Variants in TECRL observed in about 807,000 individuals in gnomAD.
The protein encoded by TECRL is trans-2,3-enoyl-CoA reductase like, also known as trans-2,3-enoyl-CoA reductase-like.
TECRL carries 63 observed loss-of-function variants against 52.8 expected under a neutral mutation model. The ratio of observed to expected loss-of-function variants is 1.19; its 90% CI spans 0.97 to 1.47. The LOEUF is 1.47. Among genes scored for constraint, TECRL ranks in the 40% most tolerant of loss-of-function variants. The pLI, the probability that TECRL is intolerant of heterozygous loss-of-function variation, is 0.00. For missense variants in TECRL, 482 were observed against 429.6 expected, an observed-to-expected ratio of 1.12 and a Z score of -1.08; for synonymous variants, 164 against 141.9, an observed-to-expected ratio of 1.16 and a Z score of -1.10.
intron 2 of TECRL, among the ~76,000 whole-genome samples, chr4:64,373,969 A>G (rs1300052721): frequency 1.4e-5 from 2 of 141,314 alleles, no homozygotes; most frequent in Non-Finnish European, 1.5e-5. Context: ...ATATGTATAC[A>G]GTATATAGTA....
chr4:64,378,099 G>T (rs980210790), intron 1 of TECRL, among the ~76,000 whole-genome samples: 1 of 152,080 alleles, frequency 6.6e-6, no homozygotes, highest in Non-Finnish European at 1.5e-5. Flanking sequence ...ATTAGATATA[G>T]TGGTGTGAAA....
At chr4:64,339,284 G>C (rs1577898530) in intron 2 of TECRL, among the ~76,000 whole-genome samples, 1 of 115,602 alleles carries the variant, frequency 8.7e-6, no homozygotes, top group African/African-American at 3.3e-5. Flanking sequence ...GGCCTGTTGT[G>C]GGGTGGGGGG....
At chr4:64,405,656 G>A (rs1350793289) in intron 1 of TECRL, among the ~76,000 whole-genome samples, 2 of 152,094 alleles carry the variant, frequency 1.3e-5, no homozygotes, top group Non-Finnish European at 1.5e-5. Context: ...ATGTTTATGA[G>A]ACATCACTAG....
At chr4:64,383,461 C>A (rs1251332621) in intron 1 of TECRL, among the ~76,000 whole-genome samples, 2 of 151,712 alleles carry the variant, frequency 1.3e-5, no homozygotes, top group African/African-American at 4.8e-5. Context: ...TTATTCTTTT[C>A]TTTTTGTCTG....
chr4:64,328,315 C>T (rs1462767946), intron 3 of TECRL, among the ~76,000 whole-genome samples, 197 bp downstream of exon 3: 1 of 151,914 alleles, frequency 6.6e-6, no homozygotes, highest in Non-Finnish European at 1.5e-5. Context: ...CTAAAACTCA[C>T]AGACAGTGAA....
chr4:64,365,569 C>T (rs1341095742), intron 2 of TECRL, among the ~76,000 whole-genome samples: 1 of 152,062 alleles, frequency 6.6e-6, no homozygotes, highest in Non-Finnish European at 1.5e-5. Flanking sequence ...TAATCAGTAA[C>T]ATTTCTACAC....
chr4:64,388,229 T>TTTTC (rs1723310258), intron 1 of TECRL, among the ~76,000 whole-genome samples: 2 of 150,886 alleles, frequency 1.3e-5, no homozygotes, highest in South Asian at 4.2e-4. Context: ...CCTTTTTTTT[T>TTTTC]TTTTTGCATG....
chr4:64,350,502 G>T (rs1720308293), intron 2 of TECRL, among the ~76,000 whole-genome samples: 1 of 152,044 alleles, frequency 6.6e-6, no homozygotes, highest in African/African-American at 2.4e-5. Flanking sequence ...TTTTGAATGA[G>T]ATTAACATTT....
chr4:64,350,582 T>C (rs13103214), intron 2 of TECRL, among the ~76,000 whole-genome samples: 100,981 of 151,958 alleles, frequency 0.66, 34,918 homozygotes, highest in Non-Finnish European at 0.76. Flanking sequence ...AGATTAATAT[T>C]TAAATAGGTG....
intron 1 of TECRL, among the ~76,000 whole-genome samples, chr4:64,387,748 C>T (rs1723277692): frequency 6.6e-6 from 1 of 151,780 alleles, no homozygotes; most frequent in South Asian, 2.1e-4. Flanking sequence ...GGTTGTTTGG[C>T]TTTTAATTTT....
intron 6 of TECRL, among the ~76,000 whole-genome samples, chr4:64,308,911 A>G (rs911686724): frequency 6.6e-6 from 1 of 152,234 alleles, no homozygotes; most frequent in African/African-American, 2.4e-5. Flanking sequence ...ACTAAAAATA[A>G]AACATAAATT....
At chr4:64,353,066 G>A (rs1039413903) in intron 2 of TECRL, among the ~76,000 whole-genome samples, 3 of 152,002 alleles carry the variant, frequency 2.0e-5, no homozygotes, top group Non-Finnish European at 2.9e-5. Flanking sequence ...TGGACTAGTT[G>A]TATTTTTCTA....
rs1428450213 is a variant in TECRL at position 64,375,201 on chromosome 4, T to G, written c.257A>C (p.His86Pro). The change falls in exon 2 of 12, where the codon CAT (histidine) becomes CCT (proline). Residue 86 changes from histidine to proline, a missense_variant. By Grantham distance (77) the His-to-Pro change is moderately conservative. Coordinates refer to ENST00000381210, the MANE Select transcript of TECRL (RefSeq NM_001010874.5). ...TTTGTGAAACTTTTGCTTAACATCA[T>G]GAATAGTAGATGATTGTGTCACCTG... is the stretch of plus-strand genomic sequence containing the variant. ...LDKVTQSSTIHDVKQKFHKAC... is the reference protein window; with the variant it reads ...LDKVTQSSTIPDVKQKFHKAC... 1 of 1,405,578 alleles carries G rather than the reference T, an allele frequency of 7.1e-7. No individual in the cohort carries two copies. The highest frequency in any genetic ancestry group is 9.4e-7 in the Non-Finnish European group (1 of 1,060,966). 87.1% of individuals were successfully genotyped at this position (1,405,578 alleles called of 1,614,324 possible).
intron 5 of TECRL, among the ~76,000 whole-genome samples, chr4:64,312,761 T>G (rs1717129685): frequency 2.3e-5 from 1 of 42,606 alleles, no homozygotes; most frequent in African/African-American, 6.0e-5. Context: ...AGCAAGACCC[T>G]CTCTCAAAAA....
At chr4:64,402,240 C>T (rs1724403326) in intron 1 of TECRL, among the ~76,000 whole-genome samples, 1 of 151,970 alleles carries the variant, frequency 6.6e-6, no homozygotes, top group East Asian at 1.9e-4. Context: ...TAATTTGGTG[C>T]TTCTCAAACT....
At chr4:64,403,891 G>A (rs1486961974) in intron 1 of TECRL, among the ~76,000 whole-genome samples, 1 of 151,526 alleles carries the variant, frequency 6.6e-6, no homozygotes, top group African/African-American at 2.4e-5. Context: ...AAAAGATACT[G>A]TCATTTGCAT....
intron 7 of TECRL, among the ~76,000 whole-genome samples, chr4:64,304,103 C>T (rs1724184422): frequency 6.6e-6 from 1 of 151,790 alleles, no homozygotes; most frequent in Non-Finnish European, 1.5e-5. Flanking sequence ...ACAAAATTAA[C>T]TACTATTATT....
intron 1 of TECRL, among the ~76,000 whole-genome samples, chr4:64,382,221 ATATATATATATATAG>A (rs1472941357): frequency 0.013 from 38 of 2,936 alleles, no homozygotes; most frequent in African/African-American, 0.015. Flanking sequence ...ATATATATAT[ATATATATATATATAG>A]TATTATGTAT....
At chr4:64,289,901 C>A in intron 8 of TECRL, 134 bp from the exon 9 acceptor site, 1 of 517,834 alleles carries the variant, frequency 1.9e-6, no homozygotes, top group South Asian at 8.5e-5. Flanking sequence ...TTATTCTAAT[C>A]ATAAAGAGAA....
Sources: allele counts gnomAD v4.1 joint callset (sites outside exome capture counted in the v4.1 genomes callset), GRCh38; gene constraint gnomAD v4.1.1; transcripts MANE v1.5; gene names NCBI Gene and HGNC (gene_info 2026-07-23, HGNC 2026-07-21).